NRXN1: variants seen among roughly 807,000 people sequenced by gnomAD.
NRXN1 encodes neurexin-1.
NRXN1 carries 39 observed loss-of-function variants against 150.9 expected under a neutral mutation model. The ratio of observed to expected loss-of-function variants is 0.26; its 90% CI spans 0.20 to 0.34. The LOEUF (loss-of-function observed/expected upper bound fraction) is 0.34, where lower values mean the gene tolerates loss of function less well. Among genes scored for constraint, NRXN1 ranks in the 10% least tolerant of loss-of-function variants. The pLI, the probability that NRXN1 is intolerant of heterozygous loss-of-function variation, is 1.00. For missense variants in NRXN1, 1,815 were observed against 1,949.9 expected (o/e 0.93, Z 1.30); for synonymous variants, 924 against 757.0 (o/e 1.22, Z -3.62).
intron 21 of NRXN1, among the ~76,000 whole-genome samples, chr2:50,036,902 C>A (rs1690124167): frequency 6.6e-6 from 1 of 152,100 alleles, no homozygotes; most frequent in Non-Finnish European, 1.5e-5. Context: ...ATGAACTAGT[C>A]CAGTTGAGAT....
At chr2:50,981,563 A>AT (rs892759713) in intron 2 of NRXN1, among the ~76,000 whole-genome samples, 4 of 150,978 alleles carry the variant, frequency 2.6e-5, no homozygotes, top group African/African-American at 9.7e-5. Context: ...TTACGTATTA[A>AT]TTTTTTTTAT....
intron 5 of NRXN1, among the ~76,000 whole-genome samples, chr2:50,821,729 T>C (rs1348784148): frequency 6.6e-6 from 1 of 151,998 alleles, no homozygotes; most frequent in Non-Finnish European, 1.5e-5. Context: ...AATGTGCACA[T>C]TGCACACGTG....
intron 5 of NRXN1, among the ~76,000 whole-genome samples, chr2:50,687,988 C>A (rs761869515): frequency 6.6e-6 from 1 of 152,086 alleles, no homozygotes; most frequent in Non-Finnish European, 1.5e-5. Context: ...CCTGAAAGAA[C>A]GAAAATTTAG....
At chr2:50,315,792 A>C (rs2075554984) in intron 17 of NRXN1, among the ~76,000 whole-genome samples, 1 of 152,182 alleles carries the variant, frequency 6.6e-6, no homozygotes, top group Non-Finnish European at 1.5e-5. Context: ...CCACCATAGT[A>C]ATGCTTCTTT....
rs1553457969 is a variant in NRXN1 at position 50,334,192 on chromosome 2, A to AATATATATAT, written c.3365-97232_3365-97223dup. On this transcript the variant is annotated intron_variant, in intron 17 of 22. Transcript: ENST00000401669. ...CTGCCTTTCCTTAAGACCAGGACCA[A>AATATATATAT]ATATATATATATATATATATGTATG... is the stretch of plus-strand genomic sequence containing the variant. Among the ~76,000 whole-genome samples the AATATATATAT allele has an allele frequency of 1.2e-4, 14 of 118,996 alleles. 1 individual carries two copies. The highest frequency in any genetic ancestry group is 5.6e-4 in the African/African-American group (13 of 23,184). The allele number at this position is 118,996 out of a possible 152,430, so 78.1% of individuals were successfully genotyped here.
chr2:50,598,328 C>T (rs967543069), intron 8 of NRXN1, among the ~76,000 whole-genome samples: 1 of 152,016 alleles, frequency 6.6e-6, no homozygotes, highest in Non-Finnish European at 1.5e-5. Context: ...TAGTTTGCAT[C>T]TTTGTTCAGT....
chr2:50,632,413 G>A (rs1040916504), intron 5 of NRXN1: 1 of 151,956 alleles, frequency 6.6e-6, no homozygotes, highest in Non-Finnish European at 1.5e-5. Flanking sequence ...AGAAAGAGTT[G>A]GTGAAAGTGA....
At chr2:50,408,837 ATC>A (rs10522429) in intron 17 of NRXN1, among the ~76,000 whole-genome samples, 60,867 of 135,836 alleles carry the variant, frequency 0.45, 15,209 homozygotes, top group Non-Finnish European at 0.57. Flanking sequence ...ATCAATCTCA[ATC>A]TCTCTCTCTC....
intron 17 of NRXN1, among the ~76,000 whole-genome samples, chr2:50,414,060 A>T (rs972760289): frequency 6.7e-6 from 1 of 149,938 alleles, no homozygotes; most frequent in African/African-American, 2.5e-5. Context: ...GGGTGGGAAG[A>T]CCGTGTGCAG....
intron 5 of NRXN1, among the ~76,000 whole-genome samples, chr2:50,908,399 C>T (rs1358827459): frequency 6.6e-6 from 1 of 150,508 alleles, no homozygotes; most frequent in Non-Finnish European, 1.5e-5. Flanking sequence ...ACACCCCTAC[C>T]TTTGATTTTA....
intron 17 of NRXN1, among the ~76,000 whole-genome samples, chr2:50,255,198 G>T (rs1647588781): frequency 6.6e-6 from 1 of 152,000 alleles, no homozygotes; most frequent in Admixed American, 6.6e-5. Flanking sequence ...AGAAATTGTG[G>T]GTATCTGTAA....
chr2:50,357,523 A>G (rs2078905992), intron 17 of NRXN1, among the ~76,000 whole-genome samples: 2 of 151,692 alleles, frequency 1.3e-5, no homozygotes, highest in East Asian at 3.9e-4. Flanking sequence ...AGTCAGGCTG[A>G]TCTCGAACTC....
intron 8 of NRXN1, among the ~76,000 whole-genome samples, chr2:50,591,438 A>AGATAGATAGATAGATG (rs1674225730): frequency 6.9e-6 from 1 of 145,656 alleles, no homozygotes; most frequent in African/African-American, 2.5e-5. Context: ...ATAGATAGAT[A>AGATAGATAGATAGATG]GATGTATACT....
At chr2:50,476,865 T>C (rs1401552529) in intron 15 of NRXN1, among the ~76,000 whole-genome samples, 1 of 152,116 alleles carries the variant, frequency 6.6e-6, no homozygotes, top group Non-Finnish European at 1.5e-5. Context: ...ACAAATATCT[T>C]CTAATTTGAC....
At chr2:50,868,606 C>T (rs941414182) in intron 5 of NRXN1, among the ~76,000 whole-genome samples, 8 of 151,792 alleles carry the variant, frequency 5.3e-5, no homozygotes, top group South Asian at 2.1e-4. Flanking sequence ...GTTACAGAAA[C>T]AAGTTCTATA....
intron 17 of NRXN1, among the ~76,000 whole-genome samples, chr2:50,343,464 GA>G (rs201224949): frequency 3.8e-4 from 49 of 130,160 alleles, no homozygotes; most frequent in Admixed American, 2.1e-3. Context: ...TATTTAACTA[GA>G]AAAAAAAAAC....
chr2:50,356,273 G>C (rs1297725560), intron 17 of NRXN1, among the ~76,000 whole-genome samples: 2 of 152,088 alleles, frequency 1.3e-5, no homozygotes, highest in Non-Finnish European at 2.9e-5. Context: ...GGGAAGACTA[G>C]CTATAAGAGT....
intron 2 of NRXN1, among the ~76,000 whole-genome samples, chr2:50,963,480 T>C (rs902668478): frequency 6.6e-6 from 1 of 151,720 alleles, no homozygotes; most frequent in African/African-American, 2.4e-5. Flanking sequence ...TACTTCCACC[T>C]TACTATCTTT....
At chr2:50,466,746 A>T (rs574417092) in intron 16 of NRXN1, among the ~76,000 whole-genome samples, 43 of 151,794 alleles carry the variant, frequency 2.8e-4, no homozygotes, top group South Asian at 4.1e-4. Flanking sequence ...ATGACATGTA[A>T]TGAAGGAAAA....
Sources: gnomAD v4.1 joint callset for allele counts (sites outside exome capture counted in the v4.1 genomes callset) on GRCh38, gnomAD v4.1.1 for gene constraint, MANE v1.5 for transcripts, NCBI Gene and HGNC (gene_info 2026-07-23, HGNC 2026-07-21) for gene names.